Variants in SPECC1 observed in about 807,000 individuals in gnomAD.
The protein encoded by SPECC1 is sperm antigen with calponin homology and coiled-coil domains 1.
Under a neutral mutation model 104.1 loss-of-function variants are expected in SPECC1, and 62 were observed. That is an observed-to-expected ratio of 0.60 (90% CI 0.49 to 0.74). The LOEUF is 0.74. Ranked by LOEUF, SPECC1 falls within the 30% of genes least tolerant of loss-of-function variation. The probability of loss-of-function intolerance (pLI) is 0.00; values close to 1 mark genes in which losing one functional copy is unlikely to be tolerated. For missense variants in SPECC1, 1,306 were observed against 1,310.5 expected (o/e 1.00, Z 0.05); for synonymous variants, 513 against 501.6 (o/e 1.02, Z -0.30).
chr17:20,107,787 A>G (rs1214999980), intron 2 of SPECC1, among the ~76,000 whole-genome samples: 1 of 152,076 alleles, frequency 6.6e-6, no homozygotes, highest in Non-Finnish European at 1.5e-5. Flanking sequence ...TGGCCTCCCA[A>G]AGTGCTAGGA....
At chr17:20,043,429 A>G (rs1232085541) in intron 1 of SPECC1, among the ~76,000 whole-genome samples, 8 of 152,226 alleles carry the variant, frequency 5.3e-5, no homozygotes, top group Non-Finnish European at 1.2e-4. Context: ...CATTTCCTTT[A>G]CATTTATTAG....
chr17:20,238,778 T>G (rs2039058270), intron 7 of SPECC1: 1 of 1,044,726 alleles, frequency 9.6e-7, no homozygotes, highest in African/African-American at 1.7e-5. Flanking sequence ...CAACTTCAAC[T>G]TAAAAGGCAC....
intron 1 of SPECC1, among the ~76,000 whole-genome samples, chr17:20,080,785 C>T (rs1440211098): frequency 1.3e-5 from 2 of 152,088 alleles, no homozygotes; most frequent in East Asian, 3.9e-4. Context: ...GAAGGCGGTA[C>T]AGCAGCTTTT....
Position 20,317,759 on chromosome 17 carries a change from T to G in SPECC1, c.*3694T>G, listed in dbSNP as rs1318635680. ...ACAAAAAAAAGAAATACAGGTGGTGTTTTGGGGAAGGGAAGGTTCTGCTGG... is the reference window on the plus strand; with the variant it reads ...ACAAAAAAAAGAAATACAGGTGGTGGTTTGGGGAAGGGAAGGTTCTGCTGG... On this transcript the variant is annotated 3_prime_UTR_variant, in exon 15 of 15. Transcript: ENST00000395527. 6.8e-5 allele frequency: 15 copies of G among 220,178 alleles called. No homozygotes were observed. The highest frequency in any genetic ancestry group is 1.2e-4 in the Admixed American group (2 of 17,292). 13.6% of individuals were successfully genotyped at this position (220,178 alleles called of 1,614,324 possible). A position where few individuals can be genotyped will look rare whatever the true frequency, so the allele number is the denominator to read the frequency against.
rs191284332 is a variant in SPECC1 at position 20,030,981 on chromosome 17, G to A, written c.-22+21557G>A. On this transcript the variant is annotated intron_variant, in intron 1 of 14. Coordinates refer to ENST00000395527, the MANE Select transcript of SPECC1 (RefSeq NM_001243439.2). ...TCGTTTCCTGCTTAATTATTTTTTG[G>A]TTTTGCTTTTTGTTTTTGTTTTTGT... Among the ~76,000 whole-genome samples, 693 of 152,018 alleles carry A rather than the reference G, an allele frequency of 4.6e-3. 9 individuals carry two copies. In the South Asian group the frequency reaches 0.05, roughly 11 times the overall value.
chr17:20,227,543 T>C lies in SPECC1; in HGVS notation c.1994T>C (p.Ile665Thr). Residue 665 changes from isoleucine (I) to threonine (T), a missense_variant, in exon 5 of 15, where the codon ATA becomes ACA. By Grantham distance (89) the Ile-to-Thr change is moderately conservative (BLOSUM62 -1). This residue lies in a region of SPECC1 where 1,177 missense variants were observed against 1,139.9 expected (regional missense o/e 1.03). Coordinates refer to ENST00000395527, the MANE Select transcript of SPECC1 (RefSeq NM_001243439.2). ...GAGATCAAAGACATGAAAGAAACCA[T>C]ATTTGAATTGGAAGATCAGGTGGAA... ...DAEIKDMKETIFELEDQVEQH... is the reference protein window; with the variant it reads ...DAEIKDMKETTFELEDQVEQH... The C allele has an allele frequency of 6.2e-7, 1 of 1,612,552 alleles. No individual in the cohort carries two copies. Among genetic ancestry groups the C allele is most frequent in the Non-Finnish European group, 8.5e-7 (1 of 1,179,612 alleles).
At chr17:20,185,840 T>G (rs2035236495) in intron 3 of SPECC1, among the ~76,000 whole-genome samples, 1 of 152,134 alleles carries the variant, frequency 6.6e-6, no homozygotes, top group Non-Finnish European at 1.5e-5. Flanking sequence ...TGTATTTTTA[T>G]TTATTTATTT....
At chr17:20,116,100 T>G (rs2048740738) in intron 3 of SPECC1, among the ~76,000 whole-genome samples, 1 of 152,168 alleles carries the variant, frequency 6.6e-6, no homozygotes, top group African/African-American at 2.4e-5. Context: ...ATTTATTTAT[T>G]TTTTTGAGAT....
At chr17:20,119,541 T>A (rs1597750650) in intron 3 of SPECC1, among the ~76,000 whole-genome samples, 1 of 152,268 alleles carries the variant, frequency 6.6e-6, no homozygotes, top group African/African-American at 2.4e-5. Context: ...CAAGAGCTTT[T>A]ATTTTTAAAT....
At chr17:20,071,819 T>A (rs2046566863) in intron 1 of SPECC1, among the ~76,000 whole-genome samples, 1 of 144,460 alleles carries the variant, frequency 6.9e-6, no homozygotes, top group Non-Finnish European at 1.5e-5. Flanking sequence ...TAAATGACAC[T>A]CAGTCTGAGA....
rs1250876088 is a variant in SPECC1 at position 20,247,219 on chromosome 17, G to A, written c.2498G>A (p.Gly833Asp). 2 of 1,609,024 alleles carry A rather than the reference G, an allele frequency of 1.2e-6. No individual in the cohort carries two copies. The highest frequency in any genetic ancestry group is 1.7e-6 in the Non-Finnish European group (2 of 1,177,678). ...ATGTTCCCATGTTTTTTCTTGGCAGGTGGAGCTGGACAGAATATTTCTGTC... is the reference window on the plus strand; with the variant it reads ...ATGTTCCCATGTTTTTTCTTGGCAGATGGAGCTGGACAGAATATTTCTGTC... ...LIKSFDLGRP[G>D]GAGQNISVHK... The change falls in exon 9 of 15, where the codon GGT becomes GAT. Residue 833 changes from glycine to aspartate, a missense_variant and splice_region_variant. Gly to Asp is a moderately conservative substitution (Grantham distance 94). Transcript: ENST00000395527.
At chr17:20,151,847 G>A (rs186924216) in intron 3 of SPECC1, among the ~76,000 whole-genome samples, 22 of 152,042 alleles carry the variant, frequency 1.4e-4, no homozygotes, top group Admixed American at 1.0e-3. Context: ...TCAGGAGTTC[G>A]AGACCAGCCT....
chr17:20,043,457 A>G (rs746211043), intron 1 of SPECC1, among the ~76,000 whole-genome samples: 4 of 152,206 alleles, frequency 2.6e-5, no homozygotes, highest in Non-Finnish European at 5.9e-5. Flanking sequence ...TCTTCCATGA[A>G]GAAGAGCTTT....
intron 14 of SPECC1, among the ~76,000 whole-genome samples, chr17:20,311,553 GCTAATTTTTTT>G (rs1567627002): frequency 6.6e-6 from 1 of 152,002 alleles, no homozygotes; most frequent in Non-Finnish European, 1.5e-5. Flanking sequence ...ACCATGCCTG[GCTAATTTTTTT>G]GTATTTTTAG....
At chr17:20,197,052 C>T (rs973429761) in intron 3 of SPECC1, among the ~76,000 whole-genome samples, 1 of 151,988 alleles carries the variant, frequency 6.6e-6, no homozygotes. Flanking sequence ...ATATAGCTAC[C>T]CAGAAAGAAG....
intron 1 of SPECC1, among the ~76,000 whole-genome samples, chr17:20,053,575 T>C (rs1334137909): frequency 1.3e-5 from 2 of 152,210 alleles, no homozygotes; most frequent in African/African-American, 4.8e-5. Flanking sequence ...GCTCTCTCTC[T>C]CAGATCACTC....
At chr17:20,242,377 C>T (rs981735924) in intron 7 of SPECC1, among the ~76,000 whole-genome samples, 11 of 152,136 alleles carry the variant, frequency 7.2e-5, no homozygotes, top group African/African-American at 2.7e-4. Context: ...GAAGGCAGAC[C>T]GACATTCAGT....
At chr17:20,093,913 G>A (rs972143275) in intron 1 of SPECC1, among the ~76,000 whole-genome samples, 2 of 151,600 alleles carry the variant, frequency 1.3e-5, no homozygotes, top group South Asian at 4.2e-4. Flanking sequence ...TGTATTTTTA[G>A]TGAGACAGGG....
At chr17:20,242,019 G>A (rs1282535890) in intron 7 of SPECC1, among the ~76,000 whole-genome samples, 2 of 152,158 alleles carry the variant, frequency 1.3e-5, no homozygotes, top group Admixed American at 6.5e-5. Context: ...TAAAGAGACC[G>A]GCAGGCGTGA....
Sources: gnomAD v4.1 joint callset for allele counts (sites outside exome capture counted in the v4.1 genomes callset) on GRCh38, gnomAD v4.1.1 for gene constraint, gnomAD v4.1.1 regional missense constraint, MANE v1.5 for transcripts, NCBI Gene and HGNC (gene_info 2026-07-23, HGNC 2026-07-21) for gene names.